RAB38: variants seen among roughly 807,000 people sequenced by gnomAD.
The protein encoded by RAB38 is RAB38, member RAS oncogene family.
A neutral mutation model predicts 18.4 loss-of-function variants in RAB38; 15 were observed. That is an observed-to-expected ratio of 0.82 (90% CI 0.55 to 1.26). The LOEUF (loss-of-function observed/expected upper bound fraction) is 1.26. Ranked by LOEUF, RAB38 falls within the 50% of genes most tolerant of loss-of-function variation. The pLI, the probability that RAB38 is intolerant of heterozygous loss-of-function variation, is 0.00. For synonymous variants in RAB38, 101 were observed against 104.4 expected, an observed-to-expected ratio of 0.97 and a Z score of 0.20; for missense variants, 294 against 267.4, an observed-to-expected ratio of 1.10 and a Z score of -0.69.
rs376302894 is a variant in RAB38 at position 88,145,436 on chromosome 11, C to CG, written c.483+4238dup. On this transcript the variant is annotated intron_variant, in intron 2 of 2. Coordinates refer to ENST00000243662, the MANE Select transcript of RAB38 (RefSeq NM_022337.3). Reference sequence around the variant, plus strand: ...TGCTGAGATTACAGCCGTGAGCCACCGCGCCCAGCCACATTATCTCTTAAT... The same window carrying CG: ...TGCTGAGATTACAGCCGTGAGCCACCGGCGCCCAGCCACATTATCTCTTAAT... Among the ~76,000 whole-genome samples, 111 of 152,186 alleles carry CG rather than the reference C, an allele frequency of 7.3e-4. 3 individuals are homozygous for CG. The highest frequency in any genetic ancestry group is 2.3e-3 in the African/African-American group (95 of 41,520).
At chr11:88,047,398 G>T in the RAB38 span, among the ~76,000 whole-genome samples, 1 of 151,938 alleles carries the variant, frequency 6.6e-6, no homozygotes, top group Non-Finnish European at 1.5e-5. Flanking sequence ...AGGCCTAATC[G>T]CCACTCACCA....
chr11:87,954,698 G>A, the RAB38 span, among the ~76,000 whole-genome samples: 1 of 152,006 alleles, frequency 6.6e-6, no homozygotes, highest in African/African-American at 2.4e-5. Context: ...TAAGGTATAG[G>A]CGAGCCCGGG....
At chr11:87,956,524 TAGG>T in the RAB38 span, among the ~76,000 whole-genome samples, 1 of 152,054 alleles carries the variant, frequency 6.6e-6, no homozygotes, top group African/African-American at 2.4e-5. Context: ...GATGCCATAG[TAGG>T]AGATGTCTGT....
At chr11:87,933,980 T>C in the RAB38 span, among the ~76,000 whole-genome samples, 1 of 152,060 alleles carries the variant, frequency 6.6e-6, no homozygotes, top group African/African-American at 2.4e-5. Flanking sequence ...CACGTCTGGG[T>C]AGGGTGGTCC....
chr11:87,813,482 C>T, the RAB38 span, among the ~76,000 whole-genome samples: 1 of 134,274 alleles, frequency 7.4e-6, no homozygotes, highest in Admixed American at 7.7e-5. Flanking sequence ...GGCATGCACA[C>T]ATATACATCA....
At chr11:87,917,274 G>A in the RAB38 span, among the ~76,000 whole-genome samples, 14 of 152,036 alleles carry the variant, frequency 9.2e-5, no homozygotes, top group African/African-American at 3.1e-4. Flanking sequence ...GAGTCTATAT[G>A]ACTCGTAGAG....
chr11:87,910,021 G>T, the RAB38 span, among the ~76,000 whole-genome samples: 2 of 152,008 alleles, frequency 1.3e-5, no homozygotes, highest in African/African-American at 4.8e-5. Flanking sequence ...TTATGTTTCT[G>T]CCAGTAATAT....
chr11:87,825,279 A>G, the RAB38 span, among the ~76,000 whole-genome samples: 1 of 152,210 alleles, frequency 6.6e-6, no homozygotes, highest in Non-Finnish European at 1.5e-5. Context: ...GGAGTTCAGA[A>G]AAAAGAGTCC....
At chr11:87,863,370 G>A in the RAB38 span, among the ~76,000 whole-genome samples, 1 of 151,766 alleles carries the variant, frequency 6.6e-6, no homozygotes, top group Admixed American at 6.6e-5. Context: ...AATGACAATA[G>A]CTGTTAGTTT....
chr11:87,835,478 A>C, the RAB38 span, among the ~76,000 whole-genome samples: 1 of 152,176 alleles, frequency 6.6e-6, no homozygotes, highest in African/African-American at 2.4e-5. Context: ...TTATGGGCCA[A>C]ATTGTGTGTC....
At chr11:88,143,619 T>G (rs753330576) in intron 2 of RAB38, among the ~76,000 whole-genome samples, 11 of 152,206 alleles carry the variant, frequency 7.2e-5, no homozygotes, top group Non-Finnish European at 1.5e-4. Context: ...ATCAAAGTCA[T>G]CCTTTGAGCA....
the RAB38 span, among the ~76,000 whole-genome samples, chr11:88,104,507 C>T: frequency 6.6e-6 from 1 of 152,082 alleles, no homozygotes; most frequent in African/African-American, 2.4e-5. Flanking sequence ...CTGGCTCAGT[C>T]ACTTTCTAGC....
At chr11:87,951,910 T>G in the RAB38 span, among the ~76,000 whole-genome samples, 1 of 152,142 alleles carries the variant, frequency 6.6e-6, no homozygotes, top group African/African-American at 2.4e-5. Flanking sequence ...GGAGAACCAC[T>G]ACTCTCTTCA....
chr11:87,829,848 T>G, the RAB38 span, among the ~76,000 whole-genome samples: 1 of 152,188 alleles, frequency 6.6e-6, no homozygotes, highest in Non-Finnish European at 1.5e-5. Context: ...ATTTCAACTT[T>G]ACTAATAGCA....
the RAB38 span, among the ~76,000 whole-genome samples, chr11:87,931,090 A>G: frequency 6.6e-6 from 1 of 152,064 alleles, no homozygotes; most frequent in Non-Finnish European, 1.5e-5. Context: ...GTTGTTTCCA[A>G]TTCTGTGAAG....
the RAB38 span, among the ~76,000 whole-genome samples, chr11:88,022,369 T>A: frequency 6.6e-6 from 1 of 151,526 alleles, no homozygotes; most frequent in East Asian, 1.9e-4. Context: ...AAAAGCTGTA[T>A]ATGACAGACC....
At chr11:87,924,292 C>A in the RAB38 span, among the ~76,000 whole-genome samples, 8 of 151,992 alleles carry the variant, frequency 5.3e-5, no homozygotes, top group Admixed American at 3.9e-4. Flanking sequence ...CCAGGTCACA[C>A]TGACCTTCAC....
the RAB38 span, among the ~76,000 whole-genome samples, chr11:87,953,110 A>G: frequency 6.6e-6 from 1 of 152,204 alleles, no homozygotes; most frequent in South Asian, 2.1e-4. Context: ...TATTCATCTA[A>G]TAAATATTTA....
chr11:88,155,043 C>T (rs191551159), intron 1 of RAB38, among the ~76,000 whole-genome samples: 12 of 152,286 alleles, frequency 7.9e-5, no homozygotes, highest in South Asian at 2.1e-4. Context: ...GGTTTATAGG[C>T]GGCTACTCTT....
Sources: allele counts gnomAD v4.1 joint callset (sites outside exome capture counted in the v4.1 genomes callset), GRCh38; gene constraint gnomAD v4.1.1; transcripts MANE v1.5; gene names NCBI Gene and HGNC (gene_info 2026-07-23, HGNC 2026-07-21).